Variants in UNC13B observed in about 807,000 individuals in gnomAD.
The protein encoded by UNC13B is unc-13 homolog B, also known as protein unc-13 homolog B.
UNC13B carries 144 observed loss-of-function variants against 211.0 expected under a neutral mutation model. That is an observed-to-expected ratio of 0.68 (90% CI 0.60 to 0.78). UNC13B has a LOEUF of 0.78. Ranked by LOEUF, UNC13B falls within the 30% of genes least tolerant of loss-of-function variation. The probability of loss-of-function intolerance (pLI) is 0.00; values close to 1 mark genes in which losing one functional copy is unlikely to be tolerated. For missense variants in UNC13B, 1,777 were observed against 2,002.0 expected (o/e 0.89, Z 2.14); for synonymous variants, 709 against 725.8 (o/e 0.98, Z 0.37).
intron 11 of UNC13B, chr9:35,352,620 A>G (rs981965806): frequency 2.4e-6 from 3 of 1,232,132 alleles, no homozygotes; most frequent in Non-Finnish European, 3.0e-6. Flanking sequence ...CAACAGAGAG[A>G]GCACCAGGCC....
intron 1 of UNC13B, among the ~76,000 whole-genome samples, chr9:35,168,723 A>G (rs995721152): frequency 1.6e-5 from 2 of 122,086 alleles, no homozygotes; most frequent in African/African-American, 6.4e-5. Flanking sequence ...TTTTTTTGAT[A>G]CAGGGTCTCA....
At chr9:35,247,664 T>G (rs1380601878) in intron 6 of UNC13B, among the ~76,000 whole-genome samples, 1 of 152,192 alleles carries the variant, frequency 6.6e-6, no homozygotes, top group Non-Finnish European at 1.5e-5. Flanking sequence ...ATTTATTGAT[T>G]TGTGTATGTT....
At chr9:35,320,412 C>A (rs1564134292) in intron 11 of UNC13B, among the ~76,000 whole-genome samples, 1 of 152,038 alleles carries the variant, frequency 6.6e-6, no homozygotes, top group Non-Finnish European at 1.5e-5. Context: ...ATTTATACTC[C>A]CACTAGTAAT....
At chr9:35,329,063 G>A (rs1414360426) in intron 11 of UNC13B, among the ~76,000 whole-genome samples, 1 of 151,544 alleles carries the variant, frequency 6.6e-6, no homozygotes, top group Non-Finnish European at 1.5e-5. Context: ...GAGCCACCTC[G>A]CCCAGCCCCG....
intron 26 of UNC13B, among the ~76,000 whole-genome samples, chr9:35,391,472 A>G (rs996154309): frequency 1.3e-5 from 2 of 152,268 alleles, no homozygotes; most frequent in African/African-American, 4.8e-5. Context: ...ATGGCAGGGC[A>G]GATGAGCCAC....
chr9:35,253,403 G>A (rs1826630920), intron 6 of UNC13B, among the ~76,000 whole-genome samples: 1 of 152,062 alleles, frequency 6.6e-6, no homozygotes, highest in Non-Finnish European at 1.5e-5. Context: ...GTTAATGGGA[G>A]TTTCTTCAAG....
chr9:35,364,672 C>A (rs934526350), intron 11 of UNC13B: 4 of 1,250,114 alleles, frequency 3.2e-6, no homozygotes, highest in Middle Eastern at 2.4e-4. Flanking sequence ...TGTACATGCA[C>A]ATGTGCGTGC....
chr9:35,326,114 C>T (rs1830993422), intron 11 of UNC13B, among the ~76,000 whole-genome samples: 1 of 152,134 alleles, frequency 6.6e-6, no homozygotes, highest in Non-Finnish European at 1.5e-5. Flanking sequence ...GTTTCATTTT[C>T]CCCCCATCTT....
At chr9:35,267,035 C>T (rs566739240) in intron 7 of UNC13B, among the ~76,000 whole-genome samples, 89 of 152,196 alleles carry the variant, frequency 5.8e-4, no homozygotes, top group Middle Eastern at 6.8e-3. Context: ...CTTCTTTTGA[C>T]TTGAATGAGA....
chr9:35,399,322 CT>C, intron 34 of UNC13B, 38 bp downstream of exon 34: 1 of 1,614,150 alleles, frequency 6.2e-7, no homozygotes, highest in Non-Finnish European at 8.5e-7. Context: ...TGCTGTCTCC[CT>C]TCCCCTCACT....
At chr9:35,359,235 C>T (rs1833236696) in intron 11 of UNC13B, among the ~76,000 whole-genome samples, 1 of 152,052 alleles carries the variant, frequency 6.6e-6, no homozygotes, top group African/African-American at 2.4e-5. Flanking sequence ...CTTTTTGAAA[C>T]ACTTTCTTCA....
chr9:35,268,611 T>C (rs1200558576), intron 7 of UNC13B, among the ~76,000 whole-genome samples: 1 of 152,164 alleles, frequency 6.6e-6, no homozygotes, highest in Non-Finnish European at 1.5e-5. Flanking sequence ...AGAGCGAGAC[T>C]CTGTCTCGGA....
At chr9:35,248,060 ACTT>A (rs1258689852) in intron 6 of UNC13B, among the ~76,000 whole-genome samples, 1 of 152,146 alleles carries the variant, frequency 6.6e-6, no homozygotes, top group African/African-American at 2.4e-5. Flanking sequence ...CAGAGATTCA[ACTT>A]CTTCCTGGTT....
At chr9:35,245,242 A>G (rs773644141) in intron 6 of UNC13B, among the ~76,000 whole-genome samples, 1 of 152,124 alleles carries the variant, frequency 6.6e-6, no homozygotes, top group South Asian at 2.1e-4. Context: ...TAAAAACCAA[A>G]TATAACTTAT....
At position 35,294,505 on chromosome 9, in the gene UNC13B, C is replaced by G. The variant is rs867017653; in HGVS notation, c.527-1191C>G. Among the ~76,000 whole-genome samples the G allele has an allele frequency of 5.3e-5, 8 of 152,268 alleles. No individual in the cohort carries two copies. The South Asian group carries it at 1.2e-3, about 24-fold the overall frequency. ...TATTTTTATAGAGATGGGGTTCCAC[C>G]ATGTTGGCCAGGCTGGTCTTGAACT... On this transcript the variant is annotated intron_variant, in intron 7 of 39. Transcript: ENST00000635942.
At chr9:35,314,019 A>T in intron 11 of UNC13B, 30 bp downstream of exon 11, 1 of 1,576,248 alleles carries the variant, frequency 6.3e-7, no homozygotes, top group Non-Finnish European at 8.7e-7. Context: ...ACTGGTTGGG[A>T]CAATTTTTCC....
chr9:35,174,668 C>G (rs1821522077), intron 1 of UNC13B, among the ~76,000 whole-genome samples: 1 of 152,262 alleles, frequency 6.6e-6, no homozygotes, highest in African/African-American at 2.4e-5. Context: ...CTGCCTCAGC[C>G]TCCCGAGTAG....
At chr9:35,247,992 T>G (rs555140731) in intron 6 of UNC13B, among the ~76,000 whole-genome samples, 49 of 152,302 alleles carry the variant, frequency 3.2e-4, no homozygotes, top group African/African-American at 1.1e-3. Flanking sequence ...CCTGGACTTT[T>G]TTTGGTTGGT....
chr9:35,184,504 G>A (rs967883244), intron 1 of UNC13B, among the ~76,000 whole-genome samples: 2 of 152,288 alleles, frequency 1.3e-5, no homozygotes, highest in Middle Eastern at 3.4e-3. Flanking sequence ...GGTCAGGAGT[G>A]GGAGACCAGC....
Sources: allele counts gnomAD v4.1 joint callset (sites outside exome capture counted in the v4.1 genomes callset), GRCh38; gene constraint gnomAD v4.1.1; transcripts MANE v1.5; gene names NCBI Gene and HGNC (gene_info 2026-07-23, HGNC 2026-07-21).